The following PTPRN2 variants were observed in gnomAD, a reference collection of about 807,000 sequenced individuals.
PTPRN2 encodes receptor-type tyrosine-protein phosphatase N2.
Under a neutral mutation model 118.8 loss-of-function variants are expected in PTPRN2, and 74 were observed. That is an observed-to-expected ratio of 0.62 (90% CI 0.52 to 0.76). The LOEUF is 0.76. Among genes scored for constraint, PTPRN2 ranks in the 30% least tolerant of loss-of-function variants. The pLI is 0.00. For synonymous variants in PTPRN2, 641 were observed against 608.0 expected, an observed-to-expected ratio of 1.05 and a Z score of -0.80; for missense variants, 1,481 against 1,394.4, an observed-to-expected ratio of 1.06 and a Z score of -0.99.
intron 14 of PTPRN2, among the ~76,000 whole-genome samples, chr7:157,642,658 C>T (rs1263573): frequency 0.66 from 99,572 of 151,740 alleles, 32,909 homozygotes; most frequent in Middle Eastern, 0.71. Context: ...GTGTTTCCTC[C>T]CACAACCGTT....
At chr7:158,117,586 A>G (rs558442011) in intron 9 of PTPRN2, among the ~76,000 whole-genome samples, 13 of 152,344 alleles carry the variant, frequency 8.5e-5, no homozygotes, top group Admixed American at 2.6e-4. Flanking sequence ...AGTGAACTCC[A>G]AGTAAAATTA....
chr7:158,319,507 C>CTCACACACGCACACAG (rs772827607), intron 2 of PTPRN2, among the ~76,000 whole-genome samples: 2 of 24,330 alleles, frequency 8.2e-5, no homozygotes, highest in African/African-American at 3.5e-4. Context: ...CACAGCCTCC[C>CTCACACACGCACACAG]CCCACACACA....
intron 12 of PTPRN2, among the ~76,000 whole-genome samples, chr7:157,728,444 G>A (rs1799717899): frequency 6.6e-6 from 1 of 152,226 alleles, no homozygotes; most frequent in Non-Finnish European, 1.5e-5. Context: ...GTTTCACGGG[G>A]GCGAGGGGCT....
intron 10 of PTPRN2, among the ~76,000 whole-genome samples, chr7:158,097,701 T>C (rs1814750730): frequency 6.6e-6 from 1 of 152,224 alleles, no homozygotes. Context: ...AATCACGTCG[T>C]AAAAACCCGG....
intron 21 of PTPRN2, among the ~76,000 whole-genome samples, chr7:157,556,882 CAT>C (rs375438003): frequency 4.4e-4 from 66 of 151,716 alleles, no homozygotes; most frequent in African/African-American, 9.9e-4. Flanking sequence ...TCCATGCTCA[CAT>C]GTCATACATA....
Position 157,646,967 on chromosome 7 carries a change from T to C in PTPRN2, c.2196+9390A>G, listed in dbSNP as rs370584868. Among the ~76,000 whole-genome samples, 401 of 86,994 alleles carry C rather than the reference T, an allele frequency of 4.6e-3. 3 individuals are homozygous for C. The highest frequency in any genetic ancestry group is 0.018 in the Admixed American group (162 of 8,780). The allele number at this position is 86,994 out of a possible 152,430, so 57.1% of individuals were successfully genotyped here. ...CCAGGGTGCACTGAACTCGGTGGGT[T>C]GGACCCATTCACTGTGCACTGAACT... On this transcript the variant is annotated intron_variant, in intron 14 of 22. Transcript: ENST00000389418.
At chr7:157,952,514 C>T (rs556242013) in intron 11 of PTPRN2, among the ~76,000 whole-genome samples, 52 of 151,654 alleles carry the variant, frequency 3.4e-4, no homozygotes, top group East Asian at 2.0e-4. Flanking sequence ...ACGCTGACTC[C>T]GTGGTGGAAC....
chr7:157,768,770 G>A (rs1260266109), intron 12 of PTPRN2, among the ~76,000 whole-genome samples: 1 of 152,226 alleles, frequency 6.6e-6, no homozygotes, highest in Non-Finnish European at 1.5e-5. Context: ...TAGGGGAGCA[G>A]TTTCTGCTTT....
chr7:158,554,718 T>C (rs1826863360), intron 1 of PTPRN2, among the ~76,000 whole-genome samples: 3 of 152,146 alleles, frequency 2.0e-5, no homozygotes. Context: ...CTTCGGCCCA[T>C]GCCTGCTGCT....
At chr7:157,606,554 C>T (rs1056691385) in intron 15 of PTPRN2, among the ~76,000 whole-genome samples, 4 of 152,248 alleles carry the variant, frequency 2.6e-5, no homozygotes, top group Admixed American at 2.0e-4. Flanking sequence ...CAATTTCCAT[C>T]TTTTCTGAGA....
chr7:158,423,424 G>A (rs1387797977), intron 2 of PTPRN2, among the ~76,000 whole-genome samples: 2 of 152,306 alleles, frequency 1.3e-5, no homozygotes, highest in East Asian at 1.9e-4. Context: ...AAATGGTCCC[G>A]CCCTAGCTTC....
At chr7:158,142,829 C>G (rs1819513376) in intron 6 of PTPRN2, among the ~76,000 whole-genome samples, 1 of 152,226 alleles carries the variant, frequency 6.6e-6, no homozygotes, top group South Asian at 2.1e-4. Flanking sequence ...GCTGGACAGT[C>G]CCAGGTCAAC....
chr7:158,478,661 A>C (rs1371519820), intron 2 of PTPRN2, among the ~76,000 whole-genome samples: 1 of 152,148 alleles, frequency 6.6e-6, no homozygotes, highest in Non-Finnish European at 1.5e-5. Context: ...ATTCTGTGGG[A>C]AAGAGGGAGC....
chr7:158,128,105 C>T (rs185992916), intron 9 of PTPRN2, among the ~76,000 whole-genome samples: 169 of 152,248 alleles, frequency 1.1e-3, no homozygotes, highest in Non-Finnish European at 2.1e-3. Context: ...TGTGGGACAA[C>T]CAAATGTACA....
chr7:158,133,545 C>T, intron 9 of PTPRN2, 132 bp downstream of exon 9: 1 of 1,283,576 alleles, frequency 7.8e-7, no homozygotes, highest in Non-Finnish European at 1.0e-6. Context: ...CCAGGGATGC[C>T]TGCACCCCAT....
In PTPRN2 at chr7:158,565,729, GC is replaced by G. The variant is rs1235443656; in HGVS notation, c.112+21828del. On this transcript the variant is annotated intron_variant, in intron 1 of 22. Coordinates refer to ENST00000389418, the MANE Select transcript of PTPRN2 (RefSeq NM_002847.5). The surrounding 1 kb of genome is among the most constrained non-coding windows in gnomAD (Gnocchi z 4.6). ...AAGACATAGAAACCATCTCATGCAA[GC>G]CCCCCAGGAACCCTGGAGGCAGGCA... is the stretch of plus-strand genomic sequence containing the variant. Among the ~76,000 whole-genome samples the G allele has an allele frequency of 2.6e-5, 4 of 152,056 alleles. No homozygotes were observed. The highest frequency in any genetic ancestry group is 4.8e-5 in the African/African-American group (2 of 41,400).
At chr7:158,345,056 G>A (rs1345935400) in intron 2 of PTPRN2, among the ~76,000 whole-genome samples, 1 of 152,178 alleles carries the variant, frequency 6.6e-6, no homozygotes, top group Non-Finnish European at 1.5e-5. Context: ...AATTCTGGAG[G>A]ATAAAATGTT....
chr7:158,150,795 C>G (rs1235185535), intron 6 of PTPRN2, among the ~76,000 whole-genome samples: 1 of 151,940 alleles, frequency 6.6e-6, no homozygotes, highest in Admixed American at 6.6e-5. Context: ...CAGCACTCCT[C>G]TCCCTCCGTG....
chr7:158,269,211 C>T (rs188346618), intron 3 of PTPRN2, among the ~76,000 whole-genome samples: 247 of 152,312 alleles, frequency 1.6e-3, no homozygotes, highest in African/African-American at 5.4e-3. Context: ...CGACCCCGCC[C>T]CAGATGCTCC....
Sources: gnomAD v4.1 joint callset for allele counts (sites outside exome capture counted in the v4.1 genomes callset) on GRCh38, gnomAD v4.1.1 for gene constraint, Gnocchi (gnomAD v3.1) non-coding constraint, MANE v1.5 for transcripts, NCBI Gene and HGNC (gene_info 2026-07-23, HGNC 2026-07-21) for gene names.